The following ARB2A variants were observed in gnomAD, a reference collection of about 807,000 sequenced individuals.
ARB2A encodes cotranscriptional regulator ARB2A.
At chr5:93,849,990 G>A in the ARB2A span, among the ~76,000 whole-genome samples, 2 of 152,104 alleles carry the variant, frequency 1.3e-5, no homozygotes, top group East Asian at 1.9e-4. Context: ...AATCCTCATG[G>A]TACCCTGAGC....
chr5:93,908,049 T>C, the ARB2A span, among the ~76,000 whole-genome samples: 3 of 151,346 alleles, frequency 2.0e-5, no homozygotes, highest in Admixed American at 6.6e-5. Flanking sequence ...AGAGTTAAAA[T>C]GCATTATCAT....
At chr5:93,801,560 T>C in the ARB2A span, among the ~76,000 whole-genome samples, 14 of 152,158 alleles carry the variant, frequency 9.2e-5, no homozygotes, top group Non-Finnish European at 1.9e-4. Context: ...TTTTAATACA[T>C]GATAAATTCA....
the ARB2A span, among the ~76,000 whole-genome samples, chr5:94,109,481 T>C: frequency 6.6e-6 from 1 of 152,232 alleles, no homozygotes; most frequent in Non-Finnish European, 1.5e-5. Context: ...TGCTTACTTT[T>C]GTTAGAGCTC....
the ARB2A span, among the ~76,000 whole-genome samples, chr5:93,982,304 T>G: frequency 6.6e-6 from 1 of 152,184 alleles, no homozygotes; most frequent in East Asian, 1.9e-4. Context: ...TTCTACTACA[T>G]ATACACATAT....
the ARB2A span, among the ~76,000 whole-genome samples, chr5:93,959,297 G>T: frequency 6.6e-6 from 1 of 151,882 alleles, no homozygotes; most frequent in Non-Finnish European, 1.5e-5. Flanking sequence ...TAGTCTAGCT[G>T]CTATGCTACC....
At chr5:93,776,797 T>G in the ARB2A span, among the ~76,000 whole-genome samples, 1 of 151,586 alleles carries the variant, frequency 6.6e-6, no homozygotes, top group South Asian at 2.1e-4. Context: ...ATAAATAAAA[T>G]AGATGACATG....
At chr5:93,718,930 TAAATCA>T in the ARB2A span, among the ~76,000 whole-genome samples, 102 of 152,344 alleles carry the variant, frequency 6.7e-4, 5 homozygotes, top group East Asian at 0.016. Context: ...TTACTGCCAA[TAAATCA>T]AACCTACTGA....
At chr5:93,877,895 C>T in the ARB2A span, among the ~76,000 whole-genome samples, 2 of 152,138 alleles carry the variant, frequency 1.3e-5, no homozygotes, top group Non-Finnish European at 2.9e-5. Flanking sequence ...AGCAGCCTGG[C>T]TGTACTCTTA....
At chr5:93,829,591 C>T in the ARB2A span, among the ~76,000 whole-genome samples, 1 of 152,112 alleles carries the variant, frequency 6.6e-6, no homozygotes, top group East Asian at 1.9e-4. Flanking sequence ...TTCATTAAAT[C>T]TTAGTGTAAT....
At chr5:94,017,216 A>G in the ARB2A span, among the ~76,000 whole-genome samples, 1 of 152,214 alleles carries the variant, frequency 6.6e-6, no homozygotes, top group South Asian at 2.1e-4. Context: ...GTAAGGTGCC[A>G]GAAAGACTTT....
At chr5:93,881,334 C>A in the ARB2A span, 1 of 604,216 alleles carries the variant, frequency 1.7e-6, no homozygotes, top group Non-Finnish European at 2.7e-6. Flanking sequence ...CCATTTAATC[C>A]AAGTAGACGA....
the ARB2A span, among the ~76,000 whole-genome samples, chr5:93,644,692 CAG>C: frequency 1.4e-4 from 21 of 152,136 alleles, no homozygotes; most frequent in South Asian, 6.2e-4. Context: ...TTTTTAGAGA[CAG>C]AGAAAACCTG....
At chr5:93,930,267 T>C in the ARB2A span, among the ~76,000 whole-genome samples, 1 of 152,194 alleles carries the variant, frequency 6.6e-6, no homozygotes, top group Non-Finnish European at 1.5e-5. Flanking sequence ...AGAGTCTGTC[T>C]TGGATAATTA....
chr5:93,848,074 T>C, the ARB2A span, among the ~76,000 whole-genome samples: 5 of 152,198 alleles, frequency 3.3e-5, no homozygotes, highest in Admixed American at 3.3e-4. Context: ...TGAAATTAAA[T>C]ATCCAAATTT....
At chr5:93,668,345 T>A in the ARB2A span, among the ~76,000 whole-genome samples, 2 of 151,920 alleles carry the variant, frequency 1.3e-5, no homozygotes, top group Non-Finnish European at 2.9e-5. Flanking sequence ...CCTCAAGCAA[T>A]CCTCCCAACT....
the ARB2A span, among the ~76,000 whole-genome samples, chr5:93,731,317 T>C: frequency 6.6e-6 from 1 of 152,148 alleles, no homozygotes; most frequent in East Asian, 1.9e-4. Context: ...TAGGGACACA[T>C]ACATATACAG....
the ARB2A span, among the ~76,000 whole-genome samples, chr5:93,866,673 C>T: frequency 1.7e-4 from 26 of 152,236 alleles, no homozygotes; most frequent in Admixed American, 1.4e-3. Context: ...TCCATGGTTC[C>T]ACAGGACCAA....
At chr5:93,818,325 A>C in the ARB2A span, among the ~76,000 whole-genome samples, 4 of 152,162 alleles carry the variant, frequency 2.6e-5, no homozygotes, top group African/African-American at 9.7e-5. Context: ...TTAGATAGTA[A>C]TGATAGTTGT....
the ARB2A span, among the ~76,000 whole-genome samples, chr5:94,087,887 G>GT: frequency 6.6e-6 from 1 of 152,218 alleles, no homozygotes; most frequent in South Asian, 2.1e-4. Context: ...GCCCAGGTGT[G>GT]TAACAGACTA....
Sources: gnomAD v4.1 joint callset for allele counts (sites outside exome capture counted in the v4.1 genomes callset) on GRCh38, gnomAD v4.1.1 for gene constraint, MANE v1.5 for transcripts, NCBI Gene and HGNC (gene_info 2026-07-23, HGNC 2026-07-21) for gene names.